Variants in CCDC7 observed in about 807,000 individuals in gnomAD.
The protein encoded by CCDC7 is coiled-coil domain containing 7.
Under a neutral mutation model 196.9 loss-of-function variants are expected in CCDC7, and 183 were observed. That is an observed-to-expected ratio of 0.93 (90% CI 0.82 to 1.05). The LOEUF (loss-of-function observed/expected upper bound fraction) is 1.05. Among genes scored for constraint, CCDC7 ranks in the 50% least tolerant of loss-of-function variants. The pLI is 0.00. For missense variants in CCDC7, 1,540 were observed against 1,482.2 expected (o/e 1.04, Z -0.64); for synonymous variants, 525 against 484.6 (o/e 1.08, Z -1.10).
At chr10:32,812,245 C>T (rs532321889) in intron 30 of CCDC7, among the ~76,000 whole-genome samples, 2 of 151,932 alleles carry the variant, frequency 1.3e-5, no homozygotes, top group South Asian at 2.1e-4. Flanking sequence ...AAGAAAATGA[C>T]AAGATATGAT....
chr10:32,566,197 G>T (rs936593869), intron 14 of CCDC7, among the ~76,000 whole-genome samples: 1 of 152,110 alleles, frequency 6.6e-6, no homozygotes, highest in Non-Finnish European at 1.5e-5. Context: ...AACCTTTCAC[G>T]TACTTCTATT....
chr10:32,620,122 CA>C (rs1003136101), intron 18 of CCDC7, among the ~76,000 whole-genome samples: 2 of 151,602 alleles, frequency 1.3e-5, no homozygotes, highest in Non-Finnish European at 2.9e-5. Context: ...GGAGTTTTGC[CA>C]TGTTGGCCAG....
At chr10:32,832,430 G>T (rs927782458) in intron 32 of CCDC7, among the ~76,000 whole-genome samples, 1 of 152,022 alleles carries the variant, frequency 6.6e-6, no homozygotes, top group African/African-American at 2.4e-5. Flanking sequence ...TTGAACCCGG[G>T]AGGTGGAGTT....
At chr10:32,577,709 A>T (rs949816145) in intron 16 of CCDC7, among the ~76,000 whole-genome samples, 10 of 152,148 alleles carry the variant, frequency 6.6e-5, no homozygotes, top group African/African-American at 2.4e-4. Context: ...CAGCAGAGGG[A>T]TCTCTGTGCC....
chr10:32,752,467 C>T (rs1039589867), intron 28 of CCDC7, among the ~76,000 whole-genome samples: 9 of 152,144 alleles, frequency 5.9e-5, no homozygotes, highest in Non-Finnish European at 1.2e-4. Flanking sequence ...CTCAAACCAT[C>T]TCTAGTCCCA....
chr10:32,708,631 TCAAA>T (rs1373177042), intron 24 of CCDC7, among the ~76,000 whole-genome samples: 2 of 151,582 alleles, frequency 1.3e-5, no homozygotes, highest in Non-Finnish European at 2.9e-5. Flanking sequence ...CAAGAAAAAA[TCAAA>T]CAACCCCATC....
At position 32,581,426 on chromosome 10, in the gene CCDC7, C is replaced by G. The variant is rs555637498; in HGVS notation, c.1455-1608C>G. On this transcript the variant is annotated intron_variant, in intron 16 of 41. Coordinates refer to ENST00000639629, the Ensembl canonical transcript of CCDC7. ...TGTTCTCCTCCTCCTCCTCCTTCAA[C>G]TCCTCCTCTTCCTTCTCCTCATTCT... 2.0e-5 allele frequency among the ~76,000 whole-genome samples: 3 copies of G among 152,186 alleles called. No individual in the cohort carries two copies. In the East Asian group the frequency reaches 5.8e-4, roughly 29 times the overall value.
intron 29 of CCDC7, among the ~76,000 whole-genome samples, chr10:32,801,736 C>T (rs1367886502): frequency 6.6e-6 from 1 of 152,168 alleles, no homozygotes; most frequent in Non-Finnish European, 1.5e-5. Flanking sequence ...TGCCTGGCAC[C>T]TGCCCCAAGG....
chr10:32,870,475 A>G (rs1206881600), intron 41 of CCDC7, among the ~76,000 whole-genome samples: 1 of 152,220 alleles, frequency 6.6e-6, no homozygotes, highest in African/African-American at 2.4e-5. Flanking sequence ...GAAGTTGCCT[A>G]TCAGCTTAAG....
At chr10:32,491,981 G>T in exon 9 of CCDC7, 3 of 1,575,000 alleles carry the variant, frequency 1.9e-6, no homozygotes, top group Non-Finnish European at 2.6e-6. Context: ...TGAAAACCAG[G>T]CAAATATGTT....
At chr10:32,612,129 C>T (rs1437090608) in intron 18 of CCDC7, among the ~76,000 whole-genome samples, 8 of 152,064 alleles carry the variant, frequency 5.3e-5, no homozygotes, top group Non-Finnish European at 1.5e-5. Flanking sequence ...TGAAGAGGTC[C>T]GTCACATCCC....
chr10:32,688,967 C>A, intron 22 of CCDC7, 86 bp from the exon 24 acceptor site: 1 of 790,326 alleles, frequency 1.3e-6, no homozygotes, highest in Non-Finnish European at 2.1e-6. Context: ...AGAGAAAATG[C>A]CACTGCACAT....
intron 22 of CCDC7, among the ~76,000 whole-genome samples, chr10:32,686,491 G>T (rs916329792): frequency 6.6e-6 from 1 of 152,230 alleles, no homozygotes; most frequent in Non-Finnish European, 1.5e-5. Context: ...GATCAGAGGA[G>T]CTAAGGGGAA....
intron 5 of CCDC7, among the ~76,000 whole-genome samples, chr10:32,464,104 C>A (rs1476129770): frequency 1.3e-5 from 2 of 152,122 alleles, no homozygotes; most frequent in African/African-American, 4.8e-5. Flanking sequence ...ATGTACATGA[C>A]CTATCCAAAA....
In CCDC7 at chr10:32,454,554, C is replaced by T. The variant is rs7071179; in HGVS notation, c.372+1118C>T. ...TCCAGGTAACAAACCTGCACATGTA[C>T]CCACTAAATCTAAAACAAAAGTTAA... On this transcript the variant is annotated intron_variant, in intron 2 of 41. Transcript: ENST00000639629. Among the ~76,000 whole-genome samples, 977 of 151,098 alleles carry T rather than the reference C, an allele frequency of 6.5e-3. 11 individuals are homozygous for T. The highest frequency in any genetic ancestry group is 0.023 in the African/African-American group (941 of 41,096).
At chr10:32,602,100 T>C (rs1158764473) in intron 18 of CCDC7, among the ~76,000 whole-genome samples, 2 of 152,170 alleles carry the variant, frequency 1.3e-5, no homozygotes, top group African/African-American at 4.8e-5. Flanking sequence ...CTTTATAAGC[T>C]GTAACACTCA....
intron 24 of CCDC7, among the ~76,000 whole-genome samples, chr10:32,700,938 G>C (rs2078606510): frequency 6.6e-6 from 1 of 152,178 alleles, no homozygotes; most frequent in Admixed American, 6.5e-5. Flanking sequence ...TTGCTTATCA[G>C]CTTAAGGAGA....
chr10:32,634,285 G>A (rs1050429214), exon 19 of CCDC7: 2 of 1,217,748 alleles, frequency 1.6e-6, no homozygotes, highest in Non-Finnish European at 2.1e-6. Flanking sequence ...AAAATCTTAT[G>A]GTTGAAAATA....
chr10:32,445,214 CAGA>C (rs2030679750), upstream of CCDC7, among the ~76,000 whole-genome samples: 1 of 152,126 alleles, frequency 6.6e-6, no homozygotes, highest in South Asian at 2.1e-4. Flanking sequence ...TCTGGTACAC[CAGA>C]AGATGTGTTG....
Sources: gnomAD v4.1 joint callset for allele counts (sites outside exome capture counted in the v4.1 genomes callset) on GRCh38, gnomAD v4.1.1 for gene constraint, MANE v1.5 for transcripts, NCBI Gene and HGNC (gene_info 2026-07-23, HGNC 2026-07-21) for gene names.